Variants in LRRIQ1 observed in about 807,000 individuals in gnomAD.
The protein encoded by LRRIQ1 is leucine-rich repeat- and IQ domain-containing protein 1.
In LRRIQ1, 210 loss-of-function variants were observed where a neutral mutation model predicts 211.9. That is an observed-to-expected ratio of 0.99 (90% CI 0.89 to 1.11). The LOEUF is 1.11. LRRIQ1 is among the 50% of genes most tolerant of loss of function. The pLI is 0.00. For synonymous variants in LRRIQ1, 699 were observed against 650.1 expected (o/e 1.08, Z -1.14); for missense variants, 2,136 against 1,939.5 (o/e 1.10, Z -1.90).
At chr12:85,210,171 G>A (rs542892847) in intron 24 of LRRIQ1, among the ~76,000 whole-genome samples, 5 of 152,070 alleles carry the variant, frequency 3.3e-5, no homozygotes, top group Non-Finnish European at 5.9e-5. Context: ...AAATGACAAA[G>A]CACAATAAAC....
At chr12:85,143,606 A>G (rs1277845292) in intron 19 of LRRIQ1, among the ~76,000 whole-genome samples, 1 of 151,664 alleles carries the variant, frequency 6.6e-6, no homozygotes, top group Admixed American at 6.6e-5. Context: ...CTTTGTGTTC[A>G]TTAATCATGC....
In LRRIQ1 at chr12:85,161,302, C is replaced by T. The variant is rs115898919; in HGVS notation, c.4822+588C>T. On this transcript the variant is annotated intron_variant, in intron 24 of 26. Transcript: ENST00000393217. ...ATGTAATAAAGTAGCAAGCATGATG[C>T]AAAACAGTGCAGCAAACATGACTTA... Among the ~76,000 whole-genome samples the T allele has an allele frequency of 2.6e-4, 40 of 152,140 alleles. 1 individual carries two copies. Among genetic ancestry groups the T allele is most frequent in the African/African-American group, 8.9e-4 (37 of 41,534 alleles).
At chr12:85,053,809 G>A (rs966253542) in intron 7 of LRRIQ1, among the ~76,000 whole-genome samples, 11 of 152,136 alleles carry the variant, frequency 7.2e-5, no homozygotes, top group Non-Finnish European at 1.0e-4. Flanking sequence ...CTGGGTTCAC[G>A]CCATTCTCCT....
At chr12:85,200,750 A>C (rs184566757) in intron 24 of LRRIQ1, among the ~76,000 whole-genome samples, 14 of 152,036 alleles carry the variant, frequency 9.2e-5, no homozygotes, top group Non-Finnish European at 1.9e-4. Flanking sequence ...ACATTTATTG[A>C]TTTCGGTTTG....
chr12:85,179,924 T>C (rs1444779564), intron 24 of LRRIQ1, among the ~76,000 whole-genome samples: 1 of 151,930 alleles, frequency 6.6e-6, no homozygotes, highest in Non-Finnish European at 1.5e-5. Flanking sequence ...TTCTGCTTCC[T>C]CCCATCCTCA....
At chr12:85,036,559 G>A (rs1878104692) in intron 1 of LRRIQ1, among the ~76,000 whole-genome samples, 152 bp downstream of exon 1, 1 of 152,090 alleles carries the variant, frequency 6.6e-6, no homozygotes, top group African/African-American at 2.4e-5. Context: ...TGCGAAGCTC[G>A]AGGCTCCCTT....
chr12:85,173,662 A>C (rs1463234673), intron 24 of LRRIQ1, among the ~76,000 whole-genome samples: 4 of 148,348 alleles, frequency 2.7e-5, no homozygotes, highest in Non-Finnish European at 6.0e-5. Flanking sequence ...CACACACAGA[A>C]AGAGAGAGAG....
At chr12:85,202,462 A>T (rs920069845) in intron 24 of LRRIQ1, among the ~76,000 whole-genome samples, 1 of 152,154 alleles carries the variant, frequency 6.6e-6, no homozygotes, top group African/African-American at 2.4e-5. Flanking sequence ...AATATGGGTT[A>T]TCCTATGTAG....
At chr12:85,212,995 G>T (rs1411006678) in intron 24 of LRRIQ1, among the ~76,000 whole-genome samples, 2 of 150,780 alleles carry the variant, frequency 1.3e-5, no homozygotes, top group African/African-American at 4.9e-5. Flanking sequence ...AAATGAGATT[G>T]TGTACTTAAA....
chr12:85,228,350 C>G (rs964415089), intron 24 of LRRIQ1, among the ~76,000 whole-genome samples: 1 of 152,134 alleles, frequency 6.6e-6, no homozygotes, highest in African/African-American at 2.4e-5. Context: ...ATGGAGTCTG[C>G]TCATGGATTC....
intron 11 of LRRIQ1, among the ~76,000 whole-genome samples, chr12:85,074,553 T>TA (rs1555201992): frequency 8.6e-5 from 13 of 151,642 alleles, no homozygotes; most frequent in Non-Finnish European, 1.3e-4. Flanking sequence ...TCTGTTTTTT[T>TA]TATATATATA....
chr12:85,219,822 T>C (rs1894315542), intron 24 of LRRIQ1, among the ~76,000 whole-genome samples: 1 of 152,168 alleles, frequency 6.6e-6, no homozygotes, highest in Non-Finnish European at 1.5e-5. Flanking sequence ...CACACACAAA[T>C]GGCTCTTATA....
chr12:85,225,165 G>A (rs997539067), intron 24 of LRRIQ1, among the ~76,000 whole-genome samples: 1 of 151,894 alleles, frequency 6.6e-6, no homozygotes, highest in Non-Finnish European at 1.5e-5. Context: ...AAAAAAATTA[G>A]TATAACAGTT....
chr12:85,217,566 ATG>A (rs1427787971), intron 24 of LRRIQ1, among the ~76,000 whole-genome samples: 14 of 95,824 alleles, frequency 1.5e-4, no homozygotes, highest in Non-Finnish European at 2.2e-4. Context: ...AGGTATATAT[ATG>A]TGTGTATACA....
chr12:85,109,544 C>A lies in LRRIQ1; in HGVS notation c.3377+2929C>A, dbSNP rs902432823. Among the ~76,000 whole-genome samples the A allele has an allele frequency of 5.3e-5, 8 of 151,990 alleles. No individual in the cohort carries two copies. The South Asian group carries it at 6.2e-4, about 12-fold the overall frequency. On this transcript the variant is annotated intron_variant, in intron 15 of 26. Transcript: ENST00000393217. ...TTTAGAAATGTCTTTTCCAAGTGTA[C>A]GTTAAGCTGTGCAGCACAGATGAAA...
chr12:85,245,881 A>G, downstream of LRRIQ1, among the ~76,000 whole-genome samples: 1 of 150,720 alleles, frequency 6.6e-6, no homozygotes, highest in East Asian at 1.9e-4. Flanking sequence ...ATATATACAT[A>G]TATATATAGA....
At chr12:85,237,500 G>A (rs1012572172) in intron 26 of LRRIQ1, among the ~76,000 whole-genome samples, 1 of 152,026 alleles carries the variant, frequency 6.6e-6, no homozygotes, top group Non-Finnish European at 1.5e-5. Context: ...ACTAAGCTCT[G>A]TATATACTGC....
chr12:85,080,623 A>G (rs1884180267), intron 11 of LRRIQ1, among the ~76,000 whole-genome samples: 1 of 151,038 alleles, frequency 6.6e-6, no homozygotes, highest in African/African-American at 2.4e-5. Context: ...CTATCCATGA[A>G]AGTGTTGTTT....
At chr12:85,193,510 C>A (rs1473211097) in intron 24 of LRRIQ1, among the ~76,000 whole-genome samples, 1 of 138,148 alleles carries the variant, frequency 7.2e-6, no homozygotes, top group Non-Finnish European at 1.6e-5. Flanking sequence ...AGAGTGGGGG[C>A]CAATATTCAA....
Sources: allele counts gnomAD v4.1 joint callset (sites outside exome capture counted in the v4.1 genomes callset), GRCh38; gene constraint gnomAD v4.1.1; transcripts MANE v1.5; gene names NCBI Gene and HGNC (gene_info 2026-07-23, HGNC 2026-07-21).